The following DNAJC10 variants were observed in gnomAD, a reference collection of about 807,000 sequenced individuals.
DNAJC10 encodes the protein endoplasmic reticulum disulfide reductase DNAJC10.
A neutral mutation model predicts 115.0 loss-of-function variants in DNAJC10; 101 were observed. The observed-to-expected ratio is 0.88, with a 90% CI of 0.75 to 1.04. The LOEUF is 1.04. Ranked by LOEUF, DNAJC10 falls within the 50% of genes least tolerant of loss-of-function variation. The pLI is 0.00. For missense variants in DNAJC10, 981 were observed against 928.8 expected (o/e 1.06, Z -0.73); for synonymous variants, 307 against 301.5 (o/e 1.02, Z -0.19).
In DNAJC10 at chr2:182,792,543, C is replaced by G. The variant is rs765117405; in HGVS notation, c.*15411C>G. 7 of 152,198 alleles carry G rather than the reference C, an allele frequency of 4.6e-5. No individual in the cohort carries two copies. The highest frequency in any genetic ancestry group is 8.8e-5 in the Non-Finnish European group (6 of 68,036). 9.4% of individuals were successfully genotyped at this position (152,198 alleles called of 1,614,324 possible). Reference sequence around the variant, plus strand: ...CCTCTCATTGTTTGAAAGAACACCTCTTTGCTCCCCACAGATTACAGACCT... The same window carrying G: ...CCTCTCATTGTTTGAAAGAACACCTGTTTGCTCCCCACAGATTACAGACCT... On this transcript the variant is annotated 3_prime_UTR_variant, in exon 24 of 24. Coordinates refer to ENST00000264065, the MANE Select transcript of DNAJC10 (RefSeq NM_018981.4).
intron 22 of DNAJC10, among the ~76,000 whole-genome samples, chr2:182,773,562 C>T (rs543412129): frequency 6.6e-6 from 1 of 152,218 alleles, no homozygotes; most frequent in Admixed American, 6.5e-5. Flanking sequence ...TGTCTTCTCG[C>T]TTTATTTCAT....
intron 8 of DNAJC10, chr2:182,730,619 C>A: frequency 2.3e-6 from 1 of 436,884 alleles, no homozygotes; most frequent in Non-Finnish European, 4.5e-6. Context: ...GAAGTCATAT[C>A]CAATCTGTCA....
At chr2:182,749,874 A>AC (rs1389569145) in intron 14 of DNAJC10, among the ~76,000 whole-genome samples, 2 of 152,310 alleles carry the variant, frequency 1.3e-5, no homozygotes, top group African/African-American at 4.8e-5. Context: ...ATGAGGTTGC[A>AC]TTCAAAATAT....
chr2:182,732,409 A>T, intron 9 of DNAJC10, 90 bp from the exon 10 acceptor site: 1 of 1,239,714 alleles, frequency 8.1e-7, no homozygotes, highest in Non-Finnish European at 1.2e-6. Flanking sequence ...CCTTCGAATG[A>T]ACATGGTAAT....
intron 5 of DNAJC10, among the ~76,000 whole-genome samples, chr2:182,725,527 A>G (rs893635873): frequency 3.3e-5 from 5 of 152,214 alleles, no homozygotes; most frequent in Admixed American, 2.6e-4. Context: ...TACTGCTAAC[A>G]TAGAGAATGT....
rs1333182552 is a variant in DNAJC10, at chr2:182,778,414, A to G, written c.*1282A>G. The G allele has an allele frequency of 1.3e-5, 2 of 152,314 alleles. No homozygotes were observed. The highest frequency in any genetic ancestry group is 1.9e-4 in the East Asian group (1 of 5,192). The allele number at this position is 152,314 out of a possible 1,614,324, so 9.4% of individuals were successfully genotyped here. ...AAAGAATCACAAATTTGTCAGTAAC[A>G]TGTAGTTGTTTAGTTATAATTCAGA... On this transcript the variant is annotated 3_prime_UTR_variant, in exon 24 of 24. Transcript: ENST00000264065.
At chr2:182,755,669 A>C (rs960511781) in intron 17 of DNAJC10, among the ~76,000 whole-genome samples, 1 of 152,140 alleles carries the variant, frequency 6.6e-6, no homozygotes, top group Non-Finnish European at 1.5e-5. Flanking sequence ...TTAAAATATC[A>C]TTTGGAACAA....
At chr2:182,772,479 C>T (rs1694592083) in intron 22 of DNAJC10, among the ~76,000 whole-genome samples, 1 of 152,166 alleles carries the variant, frequency 6.6e-6, no homozygotes, top group Non-Finnish European at 1.5e-5. Context: ...TAAGGACTTA[C>T]TTTATGAATC....
At chr2:182,723,258 C>T (rs529592748) in intron 5 of DNAJC10, among the ~76,000 whole-genome samples, 1 of 152,214 alleles carries the variant, frequency 6.6e-6, no homozygotes, top group African/African-American at 2.4e-5. Context: ...GTTGGCCAGG[C>T]TGATCTCGAA....
Position 182,783,820 on chromosome 2 carries a change from G to T in DNAJC10, c.*6688G>T, listed in dbSNP as rs1694897938. ...TCAACTATATTGTTATTTTTAGTATGTTAGCAATTCATCTGTCAATAATCA... is the reference window on the plus strand; with the variant it reads ...TCAACTATATTGTTATTTTTAGTATTTTAGCAATTCATCTGTCAATAATCA... On this transcript the variant is annotated 3_prime_UTR_variant, in exon 24 of 24. Coordinates refer to ENST00000264065, the MANE Select transcript of DNAJC10 (RefSeq NM_018981.4). The T allele has an allele frequency of 6.6e-6, 1 of 152,058 alleles. No homozygotes were observed. The highest frequency in any genetic ancestry group is 6.6e-5 in the Admixed American group (1 of 15,256). The allele number at this position is 152,058 out of a possible 1,614,324, so 9.4% of individuals were successfully genotyped here.
chr2:182,741,149 G>T, intron 12 of DNAJC10, 94 bp from the exon 13 acceptor site: 1 of 754,584 alleles, frequency 1.3e-6, no homozygotes, highest in South Asian at 1.7e-5. Flanking sequence ...ATAATGGGTA[G>T]GGGAGCTAAA....
rs758623870 is a variant in DNAJC10 at position 182,743,588 on chromosome 2, T to C, written c.1192-10T>C. 9 of 1,593,980 alleles carry C rather than the reference T, an allele frequency of 5.6e-6. No individual in the cohort carries two copies. Among genetic ancestry groups the C allele is most frequent in the Non-Finnish European group, 7.7e-6 (9 of 1,163,656 alleles). On this transcript the variant is annotated splice_polypyrimidine_tract_variant and intron_variant, in intron 13 of 23. Coordinates refer to ENST00000264065, the MANE Select transcript of DNAJC10 (RefSeq NM_018981.4). Reference sequence around the variant, plus strand: ...GTGTTTTTATCAAATTTGACCTTTTTCTCCTTTAGGTTGGCAGGTTTGACT... The same window carrying C: ...GTGTTTTTATCAAATTTGACCTTTTCCTCCTTTAGGTTGGCAGGTTTGACT...
At chr2:182,732,462 A>C (rs775323207) in intron 9 of DNAJC10, 37 bp from the exon 10 acceptor site, 2 of 1,609,038 alleles carry the variant, frequency 1.2e-6, no homozygotes, top group Non-Finnish European at 1.7e-6. Flanking sequence ...AGGCTTAATA[A>C]AGGTAAAACT....
At chr2:182,762,636 A>G (rs1313275789) in intron 21 of DNAJC10, 46 bp from the exon 22 acceptor site, 1 of 1,601,126 alleles carries the variant, frequency 6.2e-7, no homozygotes, top group African/African-American at 1.3e-5. Flanking sequence ...TTGCCAAAAT[A>G]GTTTATGCCA....
intron 11 of DNAJC10, among the ~76,000 whole-genome samples, chr2:182,736,783 C>T (rs1243092932): frequency 2.0e-5 from 3 of 152,108 alleles, no homozygotes; most frequent in African/African-American, 7.2e-5. Flanking sequence ...GAATCTCACT[C>T]TTGTCGCCCA....
intron 14 of DNAJC10, among the ~76,000 whole-genome samples, chr2:182,747,641 T>A (rs1350908164): frequency 1.3e-5 from 2 of 151,862 alleles, no homozygotes; most frequent in African/African-American, 4.8e-5. Context: ...TGAGACAATG[T>A]GGTTTTCTAG....
intron 11 of DNAJC10, among the ~76,000 whole-genome samples, chr2:182,736,851 G>A (rs1693598075): frequency 6.6e-6 from 1 of 152,154 alleles, no homozygotes; most frequent in Non-Finnish European, 1.5e-5. Context: ...CTGGGTTCAA[G>A]TGATTCTTCT....
intron 10 of DNAJC10, among the ~76,000 whole-genome samples, chr2:182,734,152 A>C (rs1433891255): frequency 6.9e-6 from 1 of 145,658 alleles, no homozygotes; most frequent in Non-Finnish European, 1.5e-5. Flanking sequence ...CCTTCCCTCT[A>C]CTTTTTTATG....
chr2:182,724,401 T>G (rs1693229396), intron 5 of DNAJC10, among the ~76,000 whole-genome samples: 1 of 152,194 alleles, frequency 6.6e-6, no homozygotes, highest in Admixed American at 6.5e-5. Flanking sequence ...ACATTCAAGA[T>G]AAAAAGGCGA....
Sources: allele counts gnomAD v4.1 joint callset (sites outside exome capture counted in the v4.1 genomes callset), GRCh38; gene constraint gnomAD v4.1.1; transcripts MANE v1.5; gene names NCBI Gene and HGNC (gene_info 2026-07-23, HGNC 2026-07-21).